The following CPVL variants were observed in gnomAD, a reference collection of about 807,000 sequenced individuals.
The protein encoded by CPVL is probable serine carboxypeptidase CPVL.
A neutral mutation model predicts 63.7 loss-of-function variants in CPVL; 51 were observed. That is an observed-to-expected ratio of 0.80 (90% CI 0.64 to 1.01). CPVL has a LOEUF of 1.01. Among genes scored for constraint, CPVL ranks in the 50% least tolerant of loss-of-function variants. CPVL has a pLI of 0.00. For missense variants in CPVL, 530 were observed against 573.1 expected, an observed-to-expected ratio of 0.92 and a Z score of 0.77; for synonymous variants, 195 against 206.0, an observed-to-expected ratio of 0.95 and a Z score of 0.46.
chr7:29,003,961 C>T (rs1439138765), intron 12 of CPVL, among the ~76,000 whole-genome samples: 1 of 152,186 alleles, frequency 6.6e-6, no homozygotes, highest in Non-Finnish European at 1.5e-5. Context: ...GTGTGGCCTG[C>T]TTCCTAAAAG....
At chr7:29,058,438 A>G (rs1187327435) in intron 11 of CPVL, among the ~76,000 whole-genome samples, 1 of 151,820 alleles carries the variant, frequency 6.6e-6, no homozygotes, top group African/African-American at 2.4e-5. Context: ...ATTCTTCTGG[A>G]TTTTCTACAT....
chr7:29,142,026 G>A (rs1257684220), intron 1 of CPVL, among the ~76,000 whole-genome samples: 1 of 152,094 alleles, frequency 6.6e-6, no homozygotes, highest in African/African-American at 2.4e-5. Flanking sequence ...TGCTCTAAAA[G>A]TCCTAGATAA....
chr7:29,083,914 C>T (rs952013567), intron 7 of CPVL, among the ~76,000 whole-genome samples: 8 of 151,998 alleles, frequency 5.3e-5, no homozygotes, highest in Admixed American at 5.2e-4. Context: ...TTTACAGTTA[C>T]TTGTCTAATT....
intron 7 of CPVL, among the ~76,000 whole-genome samples, chr7:29,075,666 G>A (rs146097648): frequency 7.8e-4 from 118 of 151,724 alleles, no homozygotes; most frequent in Middle Eastern, 3.4e-3. Context: ...AAACAGATGA[G>A]TAGTACTATA....
intron 2 of CPVL, among the ~76,000 whole-genome samples, chr7:29,119,485 CAAAAAAAA>C (rs372819031): frequency 9.9e-6 from 1 of 101,384 alleles, no homozygotes; most frequent in African/African-American, 4.0e-5. Context: ...GATTCTGTCT[CAAAAAAAA>C]AAAAAAAAAA....
intron 7 of CPVL, among the ~76,000 whole-genome samples, chr7:29,084,619 C>G (rs563222775): frequency 3.3e-5 from 5 of 152,242 alleles, no homozygotes; most frequent in African/African-American, 9.6e-5. Context: ...CCTGTGTTCT[C>G]AAATGATTGG....
chr7:29,151,623 G>A (rs1454705918), intron 5 of CPVL, among the ~76,000 whole-genome samples: 1 of 152,088 alleles, frequency 6.6e-6, no homozygotes, highest in Admixed American at 6.6e-5. Context: ...TCAGCCCTGC[G>A]AGGTATATAT....
intron 1 of CPVL, chr7:29,194,832 G>C: frequency 9.8e-7 from 1 of 1,017,048 alleles, no homozygotes; most frequent in Non-Finnish European, 1.3e-6. Flanking sequence ...GCGTCCCCAG[G>C]ACTTTGCCAT....
intron 1 of CPVL, among the ~76,000 whole-genome samples, chr7:29,123,124 C>CAA (rs912335280): frequency 1.3e-5 from 2 of 152,092 alleles, no homozygotes; most frequent in African/African-American, 2.4e-5. Context: ...TTTAAAATGC[C>CAA]AAGCCATTAG....
chr7:29,069,848 A>G (rs955043982), intron 9 of CPVL, among the ~76,000 whole-genome samples: 14 of 149,964 alleles, frequency 9.3e-5, no homozygotes, highest in African/African-American at 3.2e-4. Flanking sequence ...GCATAGGGAC[A>G]GTAGATGACC....
chr7:29,065,900 G>A (rs184327385), intron 10 of CPVL, 123 bp downstream of exon 10: 10 of 570,470 alleles, frequency 1.8e-5, no homozygotes, highest in Middle Eastern at 3.8e-4. Context: ...ACCACATCAC[G>A]CGGTACAGTT....
chr7:29,031,079 T>A (rs1787977385), intron 11 of CPVL, among the ~76,000 whole-genome samples: 1 of 152,196 alleles, frequency 6.6e-6, no homozygotes, highest in South Asian at 2.1e-4. Flanking sequence ...TACATTTTAG[T>A]GGAACTAAGG....
At chr7:29,120,775 C>G in intron 2 of CPVL, 118 bp downstream of exon 2, 1 of 954,706 alleles carries the variant, frequency 1.0e-6, no homozygotes, top group Non-Finnish European at 1.5e-6. Context: ...GAGCTGAGAT[C>G]GCGCCACTGA....
intron 11 of CPVL, among the ~76,000 whole-genome samples, chr7:29,055,388 T>A (rs960727107): frequency 7.9e-5 from 12 of 152,254 alleles, no homozygotes; most frequent in South Asian, 6.2e-4. Flanking sequence ...TAGCTGGGAT[T>A]ACAGGCGCCC....
At chr7:29,059,364 T>G (rs1791049564) in intron 11 of CPVL, among the ~76,000 whole-genome samples, 1 of 152,178 alleles carries the variant, frequency 6.6e-6, no homozygotes, top group Admixed American at 6.5e-5. Context: ...GCAAGTATTA[T>G]CTTGATTCCT....
rs368557236 is a variant in CPVL at position 29,106,335 on chromosome 7, T to C, written c.288+6369A>G. 1.4e-4 allele frequency among the ~76,000 whole-genome samples: 21 copies of C among 151,974 alleles called. 1 individual carries two copies. The East Asian group carries it at 2.3e-3, about 17-fold the overall frequency. ...GCTCACCGGCAAGGCCTAGGGTATATTGTGTTCATACTGGGAGGGCCACAG... is the reference window on the plus strand; with the variant it reads ...GCTCACCGGCAAGGCCTAGGGTATACTGTGTTCATACTGGGAGGGCCACAG... On this transcript the variant is annotated intron_variant, in intron 3 of 12. Transcript: ENST00000265394.
intron 11 of CPVL, among the ~76,000 whole-genome samples, chr7:29,043,421 C>T (rs12666299): frequency 0.041 from 6,175 of 152,180 alleles, 178 homozygotes; most frequent in East Asian, 0.065. Context: ...ACACAACTCT[C>T]CCCTGTTGGG....
At position 29,064,121 on chromosome 7, in the gene CPVL, C is replaced by T; in HGVS notation, c.1077G>A (p.Leu359=). Residue 359 remains leucine (L), a synonymous_variant, in exon 11 of 13, where the codon TTG becomes TTA. Coordinates refer to ENST00000265394, the MANE Select transcript of CPVL (RefSeq NM_031311.5). Reference sequence around the variant, plus strand: ...TAACTGACTGTACTGTATCTTCTCGCAAGTACTTTTCAACTATAGTTCCAT... The same window carrying T: ...TAACTGACTGTACTGTATCTTCTCGTAAGTACTTTTCAACTATAGTTCCAT... ...FNDGTIVEKY[L]REDTVQSVKP... 2 of 1,613,290 alleles carry T rather than the reference C, an allele frequency of 1.2e-6. No individual in the cohort carries two copies. The highest frequency in any genetic ancestry group is 1.7e-6 in the Non-Finnish European group (2 of 1,179,300).
At chr7:29,007,360 G>A (rs922853294) in intron 12 of CPVL, among the ~76,000 whole-genome samples, 1 of 151,900 alleles carries the variant, frequency 6.6e-6, no homozygotes, top group Non-Finnish European at 1.5e-5. Context: ...AAGACTTTTG[G>A]CAAATAATCA....
Sources: gnomAD v4.1 joint callset for allele counts (sites outside exome capture counted in the v4.1 genomes callset) on GRCh38, gnomAD v4.1.1 for gene constraint, MANE v1.5 for transcripts, NCBI Gene and HGNC (gene_info 2026-07-23, HGNC 2026-07-21) for gene names.